The following SMURF2 variants were observed in gnomAD, a reference collection of about 807,000 sequenced individuals.
SMURF2 encodes the protein SMAD specific E3 ubiquitin protein ligase 2.
In SMURF2, 48 loss-of-function variants were observed where a neutral mutation model predicts 109.6. The observed-to-expected ratio is 0.44, with a 90% CI of 0.35 to 0.56. SMURF2 has a LOEUF of 0.56. SMURF2 is among the 20% of genes least tolerant of loss of function. The pLI is 0.01. For missense variants in SMURF2, 575 were observed against 909.0 expected (o/e 0.63, Z 4.72); for synonymous variants, 288 against 317.1 (o/e 0.91, Z 0.97).
chr17:64,572,017 T>G, intron 9 of SMURF2, 61 bp from the exon 10 acceptor site: 1 of 1,423,974 alleles, frequency 7.0e-7, no homozygotes, highest in Non-Finnish European at 9.6e-7. Flanking sequence ...ACCAAGCAAG[T>G]GTAAATGACA....
chr17:64,562,312 A>AAGAG (rs1286113740), intron 11 of SMURF2, among the ~76,000 whole-genome samples: 1 of 148,414 alleles, frequency 6.7e-6, no homozygotes, highest in Non-Finnish European at 1.5e-5. Context: ...AAAAAAAAAA[A>AAGAG]AGAGAGAGAG....
At chr17:64,642,697 T>C (rs1970506944) in intron 1 of SMURF2, among the ~76,000 whole-genome samples, 2 of 152,236 alleles carry the variant, frequency 1.3e-5, no homozygotes, top group African/African-American at 4.8e-5. Context: ...GCACTGTGTG[T>C]AGGCAAATAT....
Position 64,547,838 on chromosome 17 carries a change from C to T in SMURF2, c.1870-37G>A, listed in dbSNP as rs377419865. 7.0e-5 allele frequency: 112 copies of T among 1,599,022 alleles called. No individual in the cohort carries two copies. Among genetic ancestry groups the T allele is most frequent in the Middle Eastern group, 5.0e-4 (3 of 6,020 alleles). On this transcript the variant is annotated intron_variant, in intron 16 of 18. Transcript: ENST00000262435. This position sits in a 1 kb window ranked among gnomAD's most constrained non-coding sequence, Gnocchi z 4.2. Reference sequence around the variant, plus strand: ...GTACACAGTAATGAACCTGTGGAAACCACAGCCAGACCAAAAATTCCTCAA... The same window carrying T: ...GTACACAGTAATGAACCTGTGGAAATCACAGCCAGACCAAAAATTCCTCAA...
intron 1 of SMURF2, among the ~76,000 whole-genome samples, chr17:64,607,951 T>C (rs541893923): frequency 3.9e-4 from 59 of 150,440 alleles, no homozygotes; most frequent in African/African-American, 1.4e-3. Flanking sequence ...TGAGCCAAGA[T>C]TGCAACCACT....
intron 2 of SMURF2, among the ~76,000 whole-genome samples, chr17:64,600,472 T>C (rs1555688453): frequency 6.6e-6 from 1 of 152,206 alleles, no homozygotes. Context: ...TGCATGTTGG[T>C]ATCAATGCTA....
intron 5 of SMURF2, 104 bp downstream of exon 5, chr17:64,590,980 C>T: frequency 1.4e-6 from 1 of 702,950 alleles, no homozygotes; most frequent in African/African-American, 1.9e-5. Context: ...TTAATTCAGG[C>T]CAACACAATG....
chr17:64,624,360 G>A (rs1371918141), intron 1 of SMURF2, among the ~76,000 whole-genome samples: 2 of 150,482 alleles, frequency 1.3e-5, no homozygotes, highest in African/African-American at 4.9e-5. Flanking sequence ...TTGAGATGGA[G>A]TCTTGCTCTG....
chr17:64,651,650 G>A (rs2144734622), intron 1 of SMURF2, among the ~76,000 whole-genome samples: 1 of 151,988 alleles, frequency 6.6e-6, no homozygotes, highest in Middle Eastern at 3.4e-3. Flanking sequence ...GCCAGGCGCA[G>A]CAATGGCTCA....
chr17:64,591,866 G>C (rs1969755887), intron 4 of SMURF2, among the ~76,000 whole-genome samples: 1 of 152,034 alleles, frequency 6.6e-6, no homozygotes, highest in Non-Finnish European at 1.5e-5. Flanking sequence ...ACTCCAATCT[G>C]GTAGAACATT....
At chr17:64,654,866 G>T (rs949361027) in intron 1 of SMURF2, among the ~76,000 whole-genome samples, 9 of 151,844 alleles carry the variant, frequency 5.9e-5, no homozygotes, top group African/African-American at 2.2e-4. Flanking sequence ...ATATAGAGAT[G>T]AGGTCTCACT....
At chr17:64,564,619 T>A (rs146546017) in intron 10 of SMURF2, among the ~76,000 whole-genome samples, 1 of 152,040 alleles carries the variant, frequency 6.6e-6, no homozygotes, top group African/African-American at 2.4e-5. Flanking sequence ...GATACATACA[T>A]ACAGGAAAGA....
chr17:64,560,738 ATTGT>A (rs1969200994), intron 12 of SMURF2: 1 of 150,374 alleles, frequency 6.7e-6, no homozygotes, highest in African/African-American at 2.5e-5. Flanking sequence ...GGGCAGGCAG[ATTGT>A]TTGAGCTCAG....
At chr17:64,554,653 G>A (rs1555683880) in intron 15 of SMURF2, among the ~76,000 whole-genome samples, 1 of 152,162 alleles carries the variant, frequency 6.6e-6, no homozygotes, top group Admixed American at 6.5e-5. Context: ...CACCAGTGTT[G>A]TCATCCATGT....
intron 1 of SMURF2, among the ~76,000 whole-genome samples, chr17:64,609,866 T>C (rs1555689358): frequency 6.6e-6 from 1 of 151,314 alleles, no homozygotes; most frequent in African/African-American, 2.4e-5. Flanking sequence ...AATCTATCCA[T>C]CTGACAAAGG....
chr17:64,613,694 G>C (rs1555689804), intron 1 of SMURF2, among the ~76,000 whole-genome samples: 10 of 123,600 alleles, frequency 8.1e-5, no homozygotes, highest in Non-Finnish European at 1.1e-4. Flanking sequence ...GTGTGTGTGT[G>C]TGTGTGTGTG....
intron 1 of SMURF2, among the ~76,000 whole-genome samples, chr17:64,649,175 T>A (rs1198886626): frequency 1.3e-5 from 2 of 152,230 alleles, no homozygotes; most frequent in South Asian, 4.1e-4. Flanking sequence ...TCATTACACA[T>A]TGGAGTCAAA....
intron 1 of SMURF2, among the ~76,000 whole-genome samples, chr17:64,635,083 T>C (rs1273127583): frequency 6.6e-6 from 1 of 152,116 alleles, no homozygotes; most frequent in Admixed American, 6.5e-5. Context: ...TCTCAGCACT[T>C]TGGGAGGCCA....
rs563480562 is a variant in SMURF2, at chr17:64,556,408, C to T, written c.1432-410G>A. Among the ~76,000 whole-genome samples the T allele has an allele frequency of 2.6e-5, 4 of 152,222 alleles. No homozygotes were observed. The East Asian group carries it at 7.7e-4, about 29-fold the overall frequency. The stretch of plus-strand genomic sequence containing the variant: ...TAACCAGAAATTAAACATCAAAACA[C>T]CATAGATTTAAGAGCACAGACTTGG... On this transcript the variant is annotated intron_variant, in intron 13 of 18. Coordinates refer to ENST00000262435, the MANE Select transcript of SMURF2 (RefSeq NM_022739.4).
chr17:64,550,059 A>G (rs551522597), intron 16 of SMURF2, among the ~76,000 whole-genome samples: 1 of 152,354 alleles, frequency 6.6e-6, no homozygotes, highest in African/African-American at 2.4e-5. Context: ...TTGTATAAAG[A>G]GATGAAAATG....
Sources: gnomAD v4.1 joint callset for allele counts (sites outside exome capture counted in the v4.1 genomes callset) on GRCh38, gnomAD v4.1.1 for gene constraint, Gnocchi (gnomAD v3.1) non-coding constraint, MANE v1.5 for transcripts, NCBI Gene and HGNC (gene_info 2026-07-23, HGNC 2026-07-21) for gene names.